XYLT1: variants seen among roughly 807,000 people sequenced by gnomAD.
XYLT1 encodes beta-D-xylosyltransferase 1.
Under a neutral mutation model 91.3 loss-of-function variants are expected in XYLT1, and 36 were observed. The ratio of observed to expected loss-of-function variants is 0.39; its 90% CI spans 0.30 to 0.52. The LOEUF is 0.52. XYLT1 is among the 20% of genes least tolerant of loss of function. The probability of loss-of-function intolerance (pLI) is 0.68; values close to 1 mark genes in which losing one functional copy is unlikely to be tolerated. For synonymous variants in XYLT1, 588 were observed against 532.0 expected, an observed-to-expected ratio of 1.11 and a Z score of -1.45; for missense variants, 1,242 against 1,284.5, an observed-to-expected ratio of 0.97 and a Z score of 0.51.
intron 2 of XYLT1, among the ~76,000 whole-genome samples, chr16:17,283,216 A>G (rs1403111986): frequency 1.3e-5 from 2 of 152,210 alleles, no homozygotes; most frequent in African/African-American, 2.4e-5. Context: ...GAGCAGATGG[A>G]GCCCAGGCAG....
intron 3 of XYLT1, chr16:17,227,633 G>A (rs1175781482): frequency 2.0e-5 from 3 of 152,274 alleles, no homozygotes; most frequent in Non-Finnish European, 2.9e-5. Context: ...TTCCTTGTTT[G>A]ATGAGGGTTT....
At chr16:17,410,922 G>C (rs568274223) in intron 1 of XYLT1, among the ~76,000 whole-genome samples, 1 of 152,136 alleles carries the variant, frequency 6.6e-6, no homozygotes, top group Non-Finnish European at 1.5e-5. Context: ...GATTACAGGC[G>C]TGAGCCACCA....
intron 2 of XYLT1, among the ~76,000 whole-genome samples, chr16:17,350,943 A>C (rs2035211625): frequency 6.6e-6 from 1 of 152,232 alleles, no homozygotes. Context: ...AAGATATTTG[A>C]AAGATCTTCT....
At chr16:17,134,805 C>A in intron 8 of XYLT1, 70 bp from the exon 9 acceptor site, 2 of 1,570,948 alleles carry the variant, frequency 1.3e-6, no homozygotes, top group South Asian at 1.2e-5. Flanking sequence ...AACCTAAGGG[C>A]ATATCCTGTG....
intron 1 of XYLT1, among the ~76,000 whole-genome samples, chr16:17,383,752 CT>C (rs71373109): frequency 7.8e-4 from 105 of 135,482 alleles, no homozygotes; most frequent in African/African-American, 1.0e-3. Context: ...GTGGAATTTT[CT>C]TTTTTTTTTT....
intron 1 of XYLT1, among the ~76,000 whole-genome samples, chr16:17,407,028 G>A (rs2141907384): frequency 6.6e-6 from 1 of 152,130 alleles, no homozygotes; most frequent in East Asian, 1.9e-4. Flanking sequence ...TTGAGACAGA[G>A]TCTTGCTCTG....
intron 8 of XYLT1, 71 bp from the exon 9 acceptor site, chr16:17,134,806 A>G (rs964628295): frequency 1.9e-5 from 30 of 1,571,628 alleles, no homozygotes; most frequent in Non-Finnish European, 2.4e-5. Context: ...ACCTAAGGGC[A>G]TATCCTGTGG....
At chr16:17,254,990 CTTTTTCT>C (rs2033607715) in intron 3 of XYLT1, among the ~76,000 whole-genome samples, 1 of 131,640 alleles carries the variant, frequency 7.6e-6, no homozygotes, top group African/African-American at 3.0e-5. Flanking sequence ...TCCTTTTTTT[CTTTTTCT>C]TTTTTTTTTT....
intron 5 of XYLT1, among the ~76,000 whole-genome samples, chr16:17,178,852 T>G (rs2032003523): frequency 6.6e-6 from 1 of 152,200 alleles, no homozygotes; most frequent in Non-Finnish European, 1.5e-5. Context: ...GGCAGATGGC[T>G]TGAGCCCAGG....
intron 2 of XYLT1, among the ~76,000 whole-genome samples, chr16:17,291,101 A>G (rs1385756942): frequency 6.6e-6 from 1 of 152,078 alleles, no homozygotes; most frequent in African/African-American, 2.4e-5. Flanking sequence ...CACCTGGTTA[A>G]CTTTTTTTTG....
Position 17,436,580 on chromosome 16 carries a change from T to G in XYLT1, c.363+33854A>C, listed in dbSNP as rs1038253676. ...TCACATTCAGCTTTTAAGCTACGGG[T>G]TGGGAACGAGGTCATTCTATAAAAA... On this transcript the variant is annotated intron_variant, in intron 1 of 11. Transcript: ENST00000261381. Among the ~76,000 whole-genome samples, 4 of 152,194 alleles carry G rather than the reference T, an allele frequency of 2.6e-5. No homozygotes were observed. In the South Asian group the frequency reaches 8.3e-4, roughly 32 times the overall value.
At chr16:17,448,497 T>C (rs1054196600) in intron 1 of XYLT1, among the ~76,000 whole-genome samples, 1 of 152,124 alleles carries the variant, frequency 6.6e-6, no homozygotes, top group Non-Finnish European at 1.5e-5. Context: ...GGAAAATGCA[T>C]ACAGAGAAGC....
intron 1 of XYLT1, among the ~76,000 whole-genome samples, chr16:17,363,983 T>C (rs888574191): frequency 5.9e-5 from 9 of 152,174 alleles, no homozygotes; most frequent in Non-Finnish European, 1.3e-4. Flanking sequence ...CTGGCTCAAA[T>C]TTCCTTTTCT....
chr16:17,299,114 C>G (rs1470857529), intron 2 of XYLT1, among the ~76,000 whole-genome samples: 1 of 152,060 alleles, frequency 6.6e-6, no homozygotes, highest in East Asian at 1.9e-4. Context: ...ATGCACAAAC[C>G]CTGGCACATG....
chr16:17,152,965 C>G (rs2031316203), intron 6 of XYLT1, among the ~76,000 whole-genome samples: 1 of 152,028 alleles, frequency 6.6e-6, no homozygotes, highest in Non-Finnish European at 1.5e-5. Context: ...CATCACATGC[C>G]CACTTATAAA....
intron 8 of XYLT1, among the ~76,000 whole-genome samples, chr16:17,136,412 G>A (rs868342624): frequency 2.2e-4 from 33 of 152,258 alleles, no homozygotes; most frequent in African/African-American, 7.9e-4. Flanking sequence ...AAACCTCTCT[G>A]TGGTGGGGAG....
chr16:17,221,226 C>T lies in XYLT1; in HGVS notation c.914-20572G>A, dbSNP rs552484792. 1.5e-3 allele frequency among the ~76,000 whole-genome samples: 222 copies of T among 152,078 alleles called. 1 individual carries two copies. Among genetic ancestry groups the T allele is most frequent in the Non-Finnish European group, 2.8e-3 (188 of 67,962 alleles). ...AAGCTACGGGAAGCTGACTGATTGG[C>T]AAAAAACAGGTCTCTACTAAAAATG... On this transcript the variant is annotated intron_variant, in intron 3 of 11. Coordinates refer to ENST00000261381, the MANE Select transcript of XYLT1 (RefSeq NM_022166.4).
chr16:17,286,679 T>C (rs975606797), intron 2 of XYLT1, among the ~76,000 whole-genome samples: 1 of 152,152 alleles, frequency 6.6e-6, no homozygotes, highest in African/African-American at 2.4e-5. Context: ...ATCATCATCC[T>C]CATCATCATC....
At chr16:17,147,052 A>G (rs987113404) in intron 6 of XYLT1, among the ~76,000 whole-genome samples, 1 of 152,194 alleles carries the variant, frequency 6.6e-6, no homozygotes, top group African/African-American at 2.4e-5. Context: ...TTAAATCCCT[A>G]TAGGGGTCAG....
Sources: gnomAD v4.1 joint callset for allele counts (sites outside exome capture counted in the v4.1 genomes callset) on GRCh38, gnomAD v4.1.1 for gene constraint, MANE v1.5 for transcripts, NCBI Gene and HGNC (gene_info 2026-07-23, HGNC 2026-07-21) for gene names.